Variants in MEI4 observed in about 807,000 individuals in gnomAD.
MEI4 encodes meiotic double-stranded break formation protein 4.
In MEI4, 27 loss-of-function variants were observed where a neutral mutation model predicts 31.4. That is an observed-to-expected ratio of 0.86 (90% CI 0.63 to 1.19). The LOEUF is 1.19. Among genes scored for constraint, MEI4 ranks in the 50% most tolerant of loss-of-function variants. The probability of loss-of-function intolerance (pLI) is 0.00; values close to 1 mark genes in which losing one functional copy is unlikely to be tolerated. For synonymous variants in MEI4, 122 were observed against 145.4 expected, an observed-to-expected ratio of 0.84 and a Z score of 1.16; for missense variants, 329 against 398.9, an observed-to-expected ratio of 0.82 and a Z score of 1.49.
At chr6:77,762,473 A>C (rs548869952) in intron 3 of MEI4, among the ~76,000 whole-genome samples, 22 of 152,208 alleles carry the variant, frequency 1.4e-4, no homozygotes, top group African/African-American at 5.1e-4. Flanking sequence ...AATCCTCTTT[A>C]TTTGACTACC....
intron 3 of MEI4, among the ~76,000 whole-genome samples, chr6:77,798,942 G>A (rs1025240913): frequency 1.5e-4 from 22 of 151,692 alleles, no homozygotes; most frequent in African/African-American, 4.4e-4. Context: ...GAATAATGCC[G>A]CAATAAACAT....
At chr6:77,712,633 G>A (rs778456385) in intron 2 of MEI4, among the ~76,000 whole-genome samples, 4 of 152,146 alleles carry the variant, frequency 2.6e-5, no homozygotes, top group African/African-American at 9.7e-5. Context: ...TAGGTGCTCC[G>A]TGATTAATTT....
chr6:77,789,498 T>C (rs1007758266), intron 3 of MEI4, among the ~76,000 whole-genome samples: 10 of 152,058 alleles, frequency 6.6e-5, no homozygotes, highest in South Asian at 4.1e-4. Flanking sequence ...ATTTTTGCAA[T>C]CTACTCATCT....
rs555047856 is a variant in MEI4, at chr6:77,745,268, G to C, written c.233-15862G>C. On this transcript the variant is annotated intron_variant, in intron 2 of 4. Coordinates refer to ENST00000684080, the MANE Select transcript of MEI4 (RefSeq NM_001322247.2). ...CACATAGGCTCAAAATAAAAGGATGGAGGAAGACCTACCAAGCAAATGGAA... is the reference window on the plus strand; with the variant it reads ...CACATAGGCTCAAAATAAAAGGATGCAGGAAGACCTACCAAGCAAATGGAA... 4.6e-5 allele frequency among the ~76,000 whole-genome samples: 7 copies of C among 152,206 alleles called. No individual in the cohort carries two copies. The East Asian group carries it at 1.4e-3, about 29-fold the overall frequency.
At chr6:77,841,535 T>G (rs1770364988) in intron 4 of MEI4, among the ~76,000 whole-genome samples, 1 of 150,790 alleles carries the variant, frequency 6.6e-6, no homozygotes, top group African/African-American at 2.4e-5. Context: ...AGAGATGGAG[T>G]TTCACCATGT....
chr6:77,813,812 A>G (rs2127705753), intron 3 of MEI4, among the ~76,000 whole-genome samples: 1 of 152,168 alleles, frequency 6.6e-6, no homozygotes, highest in Middle Eastern at 3.4e-3. Flanking sequence ...TTGTCCACTT[A>G]TGGTTTTAGA....
intron 2 of MEI4, among the ~76,000 whole-genome samples, chr6:77,735,647 C>G (rs182760530): frequency 6.6e-6 from 1 of 152,224 alleles, no homozygotes; most frequent in Non-Finnish European, 1.5e-5. Context: ...CAAAGTCATT[C>G]TCTGTCCAGC....
chr6:77,863,304 C>T lies in MEI4; in HGVS notation c.900+34242C>T, dbSNP rs200132799. 7.9e-5 allele frequency among the ~76,000 whole-genome samples: 12 copies of T among 152,014 alleles called. No homozygotes were observed. The East Asian group carries it at 1.6e-3, about 20-fold the overall frequency. ...CAACTCTGAGCTAAAGGAGGAAGTT[C>T]GAACCCATGGCAAGGAAGTTAAAAA... On this transcript the variant is annotated intron_variant, in intron 4 of 4. Coordinates refer to ENST00000684080, the MANE Select transcript of MEI4 (RefSeq NM_001322247.2).
chr6:77,796,209 A>G (rs1379553981), intron 3 of MEI4, among the ~76,000 whole-genome samples: 1 of 152,188 alleles, frequency 6.6e-6, no homozygotes, highest in East Asian at 1.9e-4. Context: ...AATTAGGTAT[A>G]GAAGGAATGC....
At chr6:77,843,973 C>T (rs1770420738) in intron 4 of MEI4, among the ~76,000 whole-genome samples, 1 of 152,080 alleles carries the variant, frequency 6.6e-6, no homozygotes, top group Admixed American at 6.6e-5. Context: ...AAATCCACTT[C>T]TCTGAGCCTA....
chr6:77,734,086 G>C (rs1234527320), intron 2 of MEI4, among the ~76,000 whole-genome samples: 6 of 152,022 alleles, frequency 3.9e-5, no homozygotes, highest in Non-Finnish European at 7.4e-5. Context: ...GTGTGGTGCT[G>C]AAAAAAATGT....
chr6:77,896,940 G>T (rs1352035006), intron 4 of MEI4, among the ~76,000 whole-genome samples: 1 of 151,984 alleles, frequency 6.6e-6, no homozygotes, highest in Non-Finnish European at 1.5e-5. Flanking sequence ...GTAAAAATAT[G>T]ACAGTAACGA....
intron 4 of MEI4, among the ~76,000 whole-genome samples, chr6:77,920,815 G>C (rs769888998): frequency 6.6e-4 from 101 of 152,008 alleles, no homozygotes; most frequent in Non-Finnish European, 2.4e-4. Context: ...TTGTCAATGA[G>C]CAGTAATCTT....
intron 1 of MEI4, among the ~76,000 whole-genome samples, chr6:77,685,848 T>C (rs997182891): frequency 1.1e-4 from 16 of 152,204 alleles, no homozygotes; most frequent in African/African-American, 3.6e-4. Flanking sequence ...ATATGTCTTA[T>C]AATGTTTATT....
intron 4 of MEI4, among the ~76,000 whole-genome samples, chr6:77,906,860 G>A (rs1429567559): frequency 6.6e-6 from 1 of 152,134 alleles, no homozygotes; most frequent in African/African-American, 2.4e-5. Flanking sequence ...AGAGTTCGCT[G>A]TAGATGTAGC....
chr6:77,752,784 G>T (rs956045121), intron 2 of MEI4, among the ~76,000 whole-genome samples: 1 of 151,834 alleles, frequency 6.6e-6, no homozygotes, highest in Non-Finnish European at 1.5e-5. Flanking sequence ...AACCAAAGAA[G>T]AGCCCACATA....
intron 3 of MEI4, among the ~76,000 whole-genome samples, chr6:77,780,878 A>ATAT (rs1768579142): frequency 2.0e-5 from 3 of 152,036 alleles, no homozygotes; most frequent in African/African-American, 7.2e-5. Flanking sequence ...CCAATAAGCC[A>ATAT]TATATATGAA....
At chr6:77,874,040 A>G (rs961622612) in intron 4 of MEI4, among the ~76,000 whole-genome samples, 21 of 152,204 alleles carry the variant, frequency 1.4e-4, no homozygotes, top group African/African-American at 5.1e-4. Context: ...AGGTAGCCTG[A>G]TGCCTCCAGC....
intron 1 of MEI4, among the ~76,000 whole-genome samples, chr6:77,669,591 A>T (rs1436442341): frequency 6.7e-6 from 1 of 149,296 alleles, no homozygotes; most frequent in East Asian, 2.0e-4. Context: ...TTAACTGCTG[A>T]GTAAAAGAGT....
Sources: allele counts gnomAD v4.1 joint callset (sites outside exome capture counted in the v4.1 genomes callset), GRCh38; gene constraint gnomAD v4.1.1; transcripts MANE v1.5; gene names NCBI Gene and HGNC (gene_info 2026-07-23, HGNC 2026-07-21).